Variants in NRXN3 observed in about 807,000 individuals in gnomAD.
NRXN3 encodes the protein neurexin III.
NRXN3 carries 32 observed loss-of-function variants against 137.6 expected under a neutral mutation model. The observed-to-expected ratio is 0.23, with a 90% confidence interval of 0.18 to 0.31. The LOEUF (loss-of-function observed/expected upper bound fraction) is 0.31, where lower values mean the gene tolerates loss of function less well. NRXN3 is among the 10% of genes least tolerant of loss of function. The pLI is 1.00. For missense variants in NRXN3, 1,574 were observed against 2,062.5 expected, an observed-to-expected ratio of 0.76 and a Z score of 4.59; for synonymous variants, 798 against 784.5, an observed-to-expected ratio of 1.02 and a Z score of -0.29.
At chr14:78,584,441 AT>A (rs1475546314) in intron 4 of NRXN3, among the ~76,000 whole-genome samples, 7 of 152,164 alleles carry the variant, frequency 4.6e-5, no homozygotes, top group African/African-American at 1.7e-4. Context: ...TCCTCCAAGT[AT>A]TTGGCTGTTC....
intron 15 of NRXN3, among the ~76,000 whole-genome samples, chr14:79,262,900 T>C (rs1253718213): frequency 6.6e-6 from 1 of 152,148 alleles, no homozygotes; most frequent in Non-Finnish European, 1.5e-5. Context: ...CTTTATCATC[T>C]TTTAGGGCCT....
chr14:79,815,347 T>A (rs1007434060), intron 20 of NRXN3, among the ~76,000 whole-genome samples: 3 of 152,190 alleles, frequency 2.0e-5, no homozygotes, highest in African/African-American at 7.2e-5. Flanking sequence ...TTAAAGATTA[T>A]TCAATAGGCC....
At chr14:79,608,980 T>C (rs2098062594) in intron 16 of NRXN3, among the ~76,000 whole-genome samples, 1 of 152,222 alleles carries the variant, frequency 6.6e-6, no homozygotes, top group African/African-American at 2.4e-5. Context: ...TCTAGATCTA[T>C]AATGTTTATT....
intron 4 of NRXN3, among the ~76,000 whole-genome samples, chr14:78,522,962 G>A (rs2096307659): frequency 1.3e-5 from 2 of 152,186 alleles, no homozygotes; most frequent in South Asian, 4.2e-4. Context: ...CTAAAGGAAT[G>A]TGAATTCATA....
intron 19 of NRXN3, among the ~76,000 whole-genome samples, chr14:79,746,439 A>G (rs1194070498): frequency 6.6e-6 from 1 of 152,080 alleles, no homozygotes; most frequent in East Asian, 1.9e-4. Context: ...AATCTCATCT[A>G]CCCATAACAA....
chr14:79,646,583 C>T (rs1226608101), intron 16 of NRXN3, among the ~76,000 whole-genome samples: 1 of 135,006 alleles, frequency 7.4e-6, no homozygotes, highest in African/African-American at 2.5e-5. Flanking sequence ...AACATTTTGA[C>T]ATTCCCGAAA....
intron 10 of NRXN3, among the ~76,000 whole-genome samples, chr14:78,821,651 C>A (rs1459601374): frequency 1.3e-5 from 2 of 151,870 alleles, no homozygotes; most frequent in Admixed American, 1.3e-4. Context: ...AATTCTGTAC[C>A]TTTCCCATCT....
intron 15 of NRXN3, among the ~76,000 whole-genome samples, chr14:79,251,360 C>A (rs955511083): frequency 3.3e-5 from 5 of 152,020 alleles, no homozygotes; most frequent in African/African-American, 1.2e-4. Flanking sequence ...TGGAGATAGT[C>A]ATTTCTCTAG....
rs565056400 is a variant in NRXN3, at chr14:78,570,109, A to T, written c.758-75011A>T. ...GCAATGGAATGTTTGTGTCTCCCCA[A>T]AATTCACATGTGGAAGCCCTAACTG... On this transcript the variant is annotated intron_variant, in intron 4 of 20. Transcript: ENST00000335750. 2.6e-5 allele frequency among the ~76,000 whole-genome samples: 4 copies of T among 152,324 alleles called. No homozygotes were observed. The South Asian group carries it at 8.3e-4, about 32-fold the overall frequency.
At chr14:78,898,698 A>G (rs1227456808) in intron 10 of NRXN3, among the ~76,000 whole-genome samples, 1 of 151,384 alleles carries the variant, frequency 6.6e-6, no homozygotes, top group Admixed American at 6.6e-5. Context: ...CAAGTTATTT[A>G]CTTTGCCCAT....
chr14:78,993,978 T>A (rs1326312132), intron 15 of NRXN3, among the ~76,000 whole-genome samples: 1 of 151,252 alleles, frequency 6.6e-6, no homozygotes, highest in Non-Finnish European at 1.5e-5. Flanking sequence ...GTCTCCTGAG[T>A]AGCTGGGATT....
rs180885952 is a variant in NRXN3 at position 79,756,410 on chromosome 14, G to A, written c.4015-48702G>A. 1.8e-3 allele frequency among the ~76,000 whole-genome samples: 270 copies of A among 152,186 alleles called. 2 individuals carry two copies. Among genetic ancestry groups the A allele is most frequent in the African/African-American group, 6.4e-3 (265 of 41,542 alleles). On this transcript the variant is annotated intron_variant, in intron 19 of 20. Transcript: ENST00000335750. ...GCGTGATTATTTTGCTTTTAGAGAGGATCTTTCTTTCTGGGGCCAGTTGAA... is the reference window on the plus strand; with the variant it reads ...GCGTGATTATTTTGCTTTTAGAGAGAATCTTTCTTTCTGGGGCCAGTTGAA...
chr14:79,660,945 C>T (rs543186191), intron 16 of NRXN3, among the ~76,000 whole-genome samples: 1 of 152,122 alleles, frequency 6.6e-6, no homozygotes, highest in East Asian at 1.9e-4. Context: ...CTTATTTAGG[C>T]ATGAGGGTCG....
At chr14:79,681,961 C>T (rs760087809) in intron 17 of NRXN3, among the ~76,000 whole-genome samples, 2 of 151,948 alleles carry the variant, frequency 1.3e-5, no homozygotes, top group Non-Finnish European at 2.9e-5. Context: ...CCAAGCCTTA[C>T]ATTTTTTTCC....
intron 16 of NRXN3, among the ~76,000 whole-genome samples, chr14:79,535,312 G>A (rs9652378): frequency 0.95 from 144,196 of 152,280 alleles, 68,314 homozygotes; most frequent in East Asian, 1. Flanking sequence ...CATTATGCTC[G>A]CTGACTGATT....
chr14:78,522,928 T>C (rs1020339695), intron 4 of NRXN3, among the ~76,000 whole-genome samples: 1 of 152,222 alleles, frequency 6.6e-6, no homozygotes, highest in Admixed American at 6.5e-5. Flanking sequence ...AGACCCTGAA[T>C]CCAGCCACAC....
intron 16 of NRXN3, among the ~76,000 whole-genome samples, chr14:79,470,945 AGAGAGAGTGTGTGTGTGTGT>A (rs1567214489): frequency 8.4e-5 from 5 of 59,312 alleles, no homozygotes; most frequent in Admixed American, 2.4e-4. Context: ...AGAGAAAGAG[AGAGAGAGTGTGTGTGTGTGT>A]GTGTGTGTGT....
At chr14:78,303,548 G>T (rs1303095387) in intron 4 of NRXN3, among the ~76,000 whole-genome samples, 3 of 152,012 alleles carry the variant, frequency 2.0e-5, no homozygotes, top group Non-Finnish European at 4.4e-5. Flanking sequence ...AAAGTTTTGG[G>T]TAGATTCTTC....
chr14:79,314,050 T>A (rs1357321933), intron 15 of NRXN3: 2 of 154,268 alleles, frequency 1.3e-5, no homozygotes, highest in African/African-American at 4.8e-5. Flanking sequence ...TTCTGTTTTT[T>A]CCCCATCTTT....
Sources: allele counts gnomAD v4.1 joint callset (sites outside exome capture counted in the v4.1 genomes callset), GRCh38; gene constraint gnomAD v4.1.1; transcripts MANE v1.5; gene names NCBI Gene and HGNC (gene_info 2026-07-23, HGNC 2026-07-21).